The following RHOBTB1 variants were observed in gnomAD, a reference collection of about 807,000 sequenced individuals.
RHOBTB1 encodes the protein rho-related BTB domain-containing protein 1.
A neutral mutation model predicts 71.6 loss-of-function variants in RHOBTB1; 40 were observed. That is an observed-to-expected ratio of 0.56 (90% CI 0.43 to 0.73). The LOEUF is 0.73. Among genes scored for constraint, RHOBTB1 ranks in the 30% least tolerant of loss-of-function variants. The pLI is 0.00. For synonymous variants in RHOBTB1, 319 were observed against 334.9 expected (o/e 0.95, Z 0.52); for missense variants, 797 against 894.0 (o/e 0.89, Z 1.38).
At chr10:60,961,959 T>C (rs1386646122) in intron 2 of RHOBTB1, among the ~76,000 whole-genome samples, 2 of 151,830 alleles carry the variant, frequency 1.3e-5, no homozygotes, top group Non-Finnish European at 2.9e-5. Context: ...AGGCATGCAC[T>C]ACCACGCCTG....
intron 4 of RHOBTB1, among the ~76,000 whole-genome samples, chr10:60,910,131 AT>A (rs1187548912): frequency 1.3e-5 from 2 of 152,136 alleles, no homozygotes; most frequent in Non-Finnish European, 2.9e-5. Context: ...AAATGTGTTC[AT>A]TTATAATTAA....
chr10:60,902,124 T>A (rs1203839702), intron 4 of RHOBTB1, among the ~76,000 whole-genome samples: 2 of 152,230 alleles, frequency 1.3e-5, no homozygotes, highest in African/African-American at 2.4e-5. Context: ...CTGGGTAGAA[T>A]ACAAGATGTA....
intron 7 of RHOBTB1, among the ~76,000 whole-genome samples, chr10:60,885,322 AAAC>A (rs2081518863): frequency 6.6e-6 from 1 of 152,170 alleles, no homozygotes; most frequent in African/African-American, 2.4e-5. Context: ...GTTAAAAGTA[AAAC>A]AACAAGAAAG....
upstream of RHOBTB1, among the ~76,000 whole-genome samples, chr10:61,001,947 C>A (rs943096398): frequency 2.0e-5 from 3 of 152,224 alleles, no homozygotes; most frequent in African/African-American, 7.2e-5. Flanking sequence ...CAAGGGTCAG[C>A]CTTTTCTTAT....
chr10:60,888,609 C>G lies in RHOBTB1; in HGVS notation c.1059G>C (p.Leu353=). The change falls in exon 6 of 11, where the codon CTG becomes CTC. Residue 353 remains leucine (L), a synonymous_variant. Coordinates refer to ENST00000337910, the MANE Select transcript of RHOBTB1 (RefSeq NM_014836.5). ...CGGCTTCCAGCCCCAGAGCCTCCAC[C>G]AGGCTCTTGTTTGAAGACTTCCACT... is the stretch of plus-strand genomic sequence containing the variant. ...ADQWKSSNKS[L]VEALGLEAEG... The G allele has an allele frequency of 6.2e-7, 1 of 1,614,226 alleles. No individual in the cohort carries two copies. The highest frequency in any genetic ancestry group is 8.5e-7 in the Non-Finnish European group (1 of 1,180,046).
intron 1 of RHOBTB1, among the ~76,000 whole-genome samples, chr10:60,998,158 A>G (rs1032035876): frequency 6.6e-6 from 1 of 152,184 alleles, no homozygotes; most frequent in African/African-American, 2.4e-5. Context: ...CGTCTCCATT[A>G]TGGTACTCAG....
At chr10:60,991,806 T>C (rs1009854210) in intron 1 of RHOBTB1, among the ~76,000 whole-genome samples, 1 of 152,144 alleles carries the variant, frequency 6.6e-6, no homozygotes. Context: ...TCTGTGTGTA[T>C]GCCCGGTCTA....
downstream of RHOBTB1, among the ~76,000 whole-genome samples, chr10:60,869,172 C>T (rs2080666969): frequency 6.6e-6 from 1 of 152,238 alleles, no homozygotes; most frequent in Non-Finnish European, 1.5e-5. Context: ...TCTCCCCCAA[C>T]CCGCTCTCTG....
intron 2 of RHOBTB1, among the ~76,000 whole-genome samples, chr10:60,925,956 C>T (rs1009118587): frequency 2.6e-5 from 4 of 152,052 alleles, no homozygotes; most frequent in South Asian, 2.1e-4. Flanking sequence ...CATAGTTGGG[C>T]GTGGTGTCTC....
rs2080781130 is a variant in RHOBTB1 at position 60,871,553 on chromosome 10, C to T, written c.2020G>A (p.Asp674Asn). 6.2e-7 allele frequency: 1 copy of T among 1,613,984 alleles called. No homozygotes were observed. Among genetic ancestry groups the T allele is most frequent in the African/African-American group, 1.3e-5 (1 of 74,894 alleles). ...GAGCGATGCTTATTTAGTGCAATATCTTCCTTCTCTCGTTCCCTTTTCACA... is the reference window on the plus strand; with the variant it reads ...GAGCGATGCTTATTTAGTGCAATATTTTCCTTCTCTCGTTCCCTTTTCACA... ...QRVKREREKE[D>N]IALNKHRSRR... The change falls in exon 11 of 11, where the codon GAT becomes AAT. Residue 674 changes from aspartate (D) to asparagine (N), a missense_variant. Physicochemically the swap from Asp to Asn is conservative, Grantham distance 23 (BLOSUM62 1). Coordinates refer to ENST00000337910, the MANE Select transcript of RHOBTB1 (RefSeq NM_014836.5).
In RHOBTB1 at chr10:60,892,890, G is replaced by A. The variant is rs761974890; in HGVS notation, c.402C>T (p.Pro134=). The A allele has an allele frequency of 2.5e-5, 40 of 1,613,960 alleles. No individual in the cohort carries two copies. Among genetic ancestry groups the A allele is most frequent in the Non-Finnish European group, 3.1e-5 (36 of 1,179,996 alleles). The part of the protein sequence containing the change: ...PEIKHFCPRT[P]VILVGCQLDL... ...CAAGCTGGCACCCAACAAGGATAAC[G>A]GGTGTTCGAGGGCAAAAGTGCTTGA... is the stretch of plus-strand genomic sequence containing the variant. The change falls in exon 5 of 11, where the codon CCC becomes CCT. Residue 134 remains proline, a synonymous_variant. Transcript: ENST00000337910.
intron 2 of RHOBTB1, among the ~76,000 whole-genome samples, chr10:60,961,891 C>A (rs2085794003): frequency 6.6e-6 from 1 of 150,692 alleles, no homozygotes; most frequent in Non-Finnish European, 1.5e-5. Flanking sequence ...TCACTGCAAC[C>A]TCCGCTCCTG....
intron 2 of RHOBTB1, among the ~76,000 whole-genome samples, chr10:60,952,092 A>T (rs73266076): frequency 0.02 from 2,948 of 144,996 alleles, 66 homozygotes; most frequent in African/African-American, 0.056. Context: ...ACGGTACATG[A>T]TAAAACTTTT....
intron 5 of RHOBTB1, among the ~76,000 whole-genome samples, chr10:60,890,798 G>A (rs1278815516): frequency 6.6e-6 from 1 of 152,216 alleles, no homozygotes; most frequent in Non-Finnish European, 1.5e-5. Context: ...GAAGTTCAGG[G>A]AAGAAGGTTT....
At chr10:60,939,161 T>A (rs1253929747) in intron 2 of RHOBTB1, among the ~76,000 whole-genome samples, 2 of 152,154 alleles carry the variant, frequency 1.3e-5, no homozygotes, top group Non-Finnish European at 2.9e-5. Context: ...CGTTCTTTAG[T>A]GGATAAAGCC....
chr10:60,910,873 T>C lies in RHOBTB1; in HGVS notation c.296+14A>G, dbSNP rs1210793707. The stretch of plus-strand genomic sequence containing the variant: ...GCATTCAAGCTCAACCACGCTGTAC[T>C]AGTCTTGGTTTACCTGCCATATGCA... On this transcript the variant is annotated intron_variant, in intron 4 of 10. Coordinates refer to ENST00000337910, the MANE Select transcript of RHOBTB1 (RefSeq NM_014836.5). The C allele has an allele frequency of 1.9e-6, 3 of 1,585,848 alleles. No individual in the cohort carries two copies. The highest frequency in any genetic ancestry group is 1.1e-5 in the South Asian group (1 of 90,446).
intron 2 of RHOBTB1, among the ~76,000 whole-genome samples, chr10:60,952,098 C>CT (rs1232999489): frequency 7.3e-6 from 1 of 136,796 alleles, no homozygotes; most frequent in East Asian, 2.2e-4. Flanking sequence ...CATGATAAAA[C>CT]TTTTATAAGA....
At chr10:60,973,431 C>A (rs747614434) in intron 2 of RHOBTB1, among the ~76,000 whole-genome samples, 7 of 152,054 alleles carry the variant, frequency 4.6e-5, no homozygotes, top group Admixed American at 1.3e-4. Flanking sequence ...TGTATTTGAG[C>A]CTTCTTAACA....
intron 4 of RHOBTB1, among the ~76,000 whole-genome samples, chr10:60,910,558 A>T (rs548693866): frequency 6.6e-6 from 1 of 152,180 alleles, no homozygotes; most frequent in South Asian, 2.1e-4. Context: ...AAAACATTCT[A>T]ACAGAAGGCA....
Sources: allele counts gnomAD v4.1 joint callset (sites outside exome capture counted in the v4.1 genomes callset), GRCh38; gene constraint gnomAD v4.1.1; transcripts MANE v1.5; gene names NCBI Gene and HGNC (gene_info 2026-07-23, HGNC 2026-07-21).